The following SRGAP2 variants were observed in gnomAD, a reference collection of about 807,000 sequenced individuals.
The protein encoded by SRGAP2 is SLIT-ROBO Rho GTPase-activating protein 2.
Under a neutral mutation model 57.2 loss-of-function variants are expected in SRGAP2, and 15 were observed. That is an observed-to-expected ratio of 0.26 (90% confidence interval 0.18 to 0.40). The LOEUF (loss-of-function observed/expected upper bound fraction) is 0.40. SRGAP2 is among the 10% of genes least tolerant of loss of function. The pLI is 1.00. For missense variants in SRGAP2, 520 were observed against 669.6 expected, an observed-to-expected ratio of 0.78 and a Z score of 2.47; for synonymous variants, 249 against 248.0, an observed-to-expected ratio of 1.00 and a Z score of -0.04.
At chr1:206,287,153 A>G (rs1348657713) in intron 2 of SRGAP2, among the ~76,000 whole-genome samples, 1 of 152,230 alleles carries the variant, frequency 6.6e-6, no homozygotes, top group Non-Finnish European at 1.5e-5. Flanking sequence ...AGAAGAGTCA[A>G]TAATAACTCT....
chr1:206,383,365 G>T (rs1429087843), intron 4 of SRGAP2, among the ~76,000 whole-genome samples: 1 of 151,292 alleles, frequency 6.6e-6, no homozygotes, highest in Non-Finnish European at 1.5e-5. Flanking sequence ...TTAGATGTCA[G>T]CCCTGGGTGG....
At chr1:206,445,865 C>T (rs551883155) in intron 17 of SRGAP2, among the ~76,000 whole-genome samples, 1 of 152,158 alleles carries the variant, frequency 6.6e-6, no homozygotes, top group Non-Finnish European at 1.5e-5. Flanking sequence ...AAGCAAGTAC[C>T]TCTAGTTTGC....
chr1:206,440,273 T>C (rs1288228700), intron 17 of SRGAP2, among the ~76,000 whole-genome samples, 192 bp downstream of exon 17: 1 of 152,174 alleles, frequency 6.6e-6, no homozygotes, highest in Non-Finnish European at 1.5e-5. Flanking sequence ...ATTTAGCTCC[T>C]GTTCCAGGGA....
intron 11 of SRGAP2, among the ~76,000 whole-genome samples, chr1:206,416,207 G>A (rs1355614352): frequency 6.6e-6 from 1 of 152,126 alleles, no homozygotes; most frequent in Non-Finnish European, 1.5e-5. Context: ...TAAATGGAGC[G>A]TGCCTGCTCT....
intron 2 of SRGAP2, among the ~76,000 whole-genome samples, chr1:206,301,351 C>T (rs1225915419): frequency 4.0e-5 from 6 of 151,788 alleles, no homozygotes; most frequent in Admixed American, 1.3e-4. Flanking sequence ...TCTTACTGAA[C>T]GGATGGAATT....
chr1:206,389,968 T>G (rs1234879689), intron 5 of SRGAP2, among the ~76,000 whole-genome samples: 1 of 151,542 alleles, frequency 6.6e-6, no homozygotes, highest in Non-Finnish European at 1.5e-5. Context: ...ATACATACAT[T>G]TACATATGTA....
Position 206,446,239 on chromosome 1 carries a change from C to T in SRGAP2, c.2039C>T (p.Pro680Leu). 1.3e-6 allele frequency: 1 copy of T among 780,950 alleles called. No homozygotes were observed. Among genetic ancestry groups the T allele is most frequent in the Non-Finnish European group, 2.4e-6 (1 of 418,000 alleles). The allele number at this position is 780,950 out of a possible 1,614,324, so 48.4% of individuals were successfully genotyped here. A position where few individuals can be genotyped will look rare whatever the true frequency, so the allele number is the denominator to read the frequency against. Residue 680 changes from proline to leucine, a missense_variant, in exon 18 of 23, where the codon CCA becomes CTA. This residue lies in a region of SRGAP2 where 478 missense variants were observed against 373.6 expected (regional missense o/e 1.28). Transcript: ENST00000573034. Reference sequence around the variant, plus strand: ...ATCATCCAGCATGAGAACATCTTCCCAAGCCCCAGGGAGCTGGAGGGCCCT... The same window carrying T: ...ATCATCCAGCATGAGAACATCTTCCTAAGCCCCAGGGAGCTGGAGGGCCCT... Reference protein sequence around the residue: ...TIIIQHENIFPSPRELEGPVY... With the variant: ...TIIIQHENIFLSPRELEGPVY...
intron 3 of SRGAP2, chr1:206,333,456 A>C: frequency 6.7e-7 from 1 of 1,489,314 alleles, no homozygotes; most frequent in South Asian, 1.1e-5. Flanking sequence ...CCCGAGGGTG[A>C]GGAACCGGCG....
chr1:206,346,461 G>T (rs1263375608), intron 4 of SRGAP2, among the ~76,000 whole-genome samples: 1 of 152,206 alleles, frequency 6.6e-6, no homozygotes, highest in Non-Finnish European at 1.5e-5. Context: ...AGTGGATATA[G>T]GTGTGGAGAG....
chr1:206,415,452 G>A (rs1659612110), intron 10 of SRGAP2, among the ~76,000 whole-genome samples: 1 of 152,308 alleles, frequency 6.6e-6, no homozygotes, highest in African/African-American at 2.4e-5. Context: ...GACTGAGCCT[G>A]CCATTGGCAC....
intron 3 of SRGAP2, among the ~76,000 whole-genome samples, chr1:206,304,368 A>G (rs1412488717): frequency 1.5e-5 from 2 of 137,244 alleles, no homozygotes; most frequent in Non-Finnish European, 3.1e-5. Flanking sequence ...GGTGATTCTA[A>G]TGAACAGCCA....
intron 13 of SRGAP2, among the ~76,000 whole-genome samples, chr1:206,423,915 C>T (rs1660547367): frequency 6.7e-6 from 1 of 149,946 alleles, no homozygotes; most frequent in South Asian, 2.1e-4. Flanking sequence ...GCTGGGACTA[C>T]AGGTGCACAC....
At position 206,304,335 on chromosome 1, in the gene SRGAP2, C is replaced by T. The variant is rs1306811938; in HGVS notation, c.260+862C>T. 6.7e-4 allele frequency among the ~76,000 whole-genome samples: 93 copies of T among 139,618 alleles called. 1 individual carries two copies. The highest frequency in any genetic ancestry group is 1.1e-3 in the Non-Finnish European group (70 of 65,736). The allele number at this position is 139,618 out of a possible 152,430, so 91.6% of individuals were successfully genotyped here. ...ATCTCTGGGAGTGAGGCCTGGGTAACAGGGTGGTGTAAAAGCTTCCCAGGT... is the reference window on the plus strand; with the variant it reads ...ATCTCTGGGAGTGAGGCCTGGGTAATAGGGTGGTGTAAAAGCTTCCCAGGT... On this transcript the variant is annotated intron_variant, in intron 3 of 22. Coordinates refer to ENST00000573034, the MANE Select transcript of SRGAP2 (RefSeq NM_015326.5).
intron 18 of SRGAP2, among the ~76,000 whole-genome samples, chr1:206,449,447 CT>C (rs60880671): frequency 0.56 from 77,167 of 138,686 alleles, 21,760 homozygotes; most frequent in African/African-American, 0.74. Flanking sequence ...TGCACACTGG[CT>C]TTTTTTTTTT....
intron 3 of SRGAP2, among the ~76,000 whole-genome samples, chr1:206,333,748 C>G (rs1170020383): frequency 6.6e-6 from 1 of 152,064 alleles, no homozygotes; most frequent in African/African-American, 2.4e-5. Context: ...GCATTTGTGA[C>G]TTGCCCAAAG....
chr1:206,421,635 C>T (rs1660318117), intron 13 of SRGAP2, among the ~76,000 whole-genome samples: 2 of 152,182 alleles, frequency 1.3e-5, no homozygotes, highest in South Asian at 4.1e-4. Flanking sequence ...CTCACAGCAC[C>T]TAATTAGCTA....
intron 4 of SRGAP2, among the ~76,000 whole-genome samples, chr1:206,366,700 C>T (rs1195000439): frequency 4.0e-5 from 6 of 150,976 alleles, no homozygotes; most frequent in African/African-American, 1.2e-4. Context: ...CTCCTTGCTT[C>T]TCTGGGTATT....
rs1346143027 is a variant in SRGAP2 at position 206,283,530 on chromosome 1, C to A, written c.68-19751C>A. 2.0e-5 allele frequency among the ~76,000 whole-genome samples: 3 copies of A among 149,046 alleles called. No homozygotes were observed. The East Asian group carries it at 6.0e-4, about 30-fold the overall frequency. On this transcript the variant is annotated intron_variant, in intron 2 of 22. Transcript: ENST00000573034. Reference sequence around the variant, plus strand: ...CTCTACTAAAAATACAAAAATTAGCCGGGCATGGTGGCACACCATTGTAAT... The same window carrying A: ...CTCTACTAAAAATACAAAAATTAGCAGGGCATGGTGGCACACCATTGTAAT...
intron 2 of SRGAP2, among the ~76,000 whole-genome samples, chr1:206,208,612 G>A (rs1465249310): frequency 6.6e-6 from 1 of 152,200 alleles, no homozygotes; most frequent in African/African-American, 2.4e-5. Context: ...TGGAAGCTGG[G>A]CTCTCTATGG....
Sources: gnomAD v4.1 joint callset for allele counts (sites outside exome capture counted in the v4.1 genomes callset) on GRCh38, gnomAD v4.1.1 for gene constraint, gnomAD v4.1.1 regional missense constraint, MANE v1.5 for transcripts, NCBI Gene and HGNC (gene_info 2026-07-23, HGNC 2026-07-21) for gene names.